RMDN1: variants seen among roughly 807,000 people sequenced by gnomAD.
RMDN1 encodes the protein regulator of microtubule dynamics 1.
In RMDN1, 48 loss-of-function variants were observed where a neutral mutation model predicts 48.9. That is an observed-to-expected ratio of 0.98 (90% CI 0.78 to 1.25). The LOEUF (loss-of-function observed/expected upper bound fraction) is 1.25. RMDN1 is among the 50% of genes most tolerant of loss of function. The pLI, the probability that RMDN1 is intolerant of heterozygous loss-of-function variation, is 0.00. For synonymous variants in RMDN1, 148 were observed against 132.6 expected, an observed-to-expected ratio of 1.12 and a Z score of -0.80; for missense variants, 418 against 373.4, an observed-to-expected ratio of 1.12 and a Z score of -0.98.
At position 86,474,255 on chromosome 8, in the gene RMDN1, A is replaced by G. The variant is rs1015565178; in HGVS notation, c.*53T>C. On this transcript the variant is annotated 3_prime_UTR_variant, in exon 10 of 10. Coordinates refer to ENST00000406452, the MANE Select transcript of RMDN1 (RefSeq NM_016033.3). ...TAGTTCATATATTAAGTTTAGAATT[A>G]AAAGAAAAGGCAATGTTTATTAGCT... 1.9e-6 allele frequency: 3 copies of G among 1,607,184 alleles called. No homozygotes were observed. The highest frequency in any genetic ancestry group is 2.5e-6 in the Non-Finnish European group (3 of 1,177,412).
chr8:86,501,152 T>G (rs574000300), intron 2 of RMDN1, among the ~76,000 whole-genome samples: 1 of 152,088 alleles, frequency 6.6e-6, no homozygotes, highest in Non-Finnish European at 1.5e-5. Context: ...CAGCAACACA[T>G]AATTTACCCA....
At chr8:86,469,877 A>G (rs935477577), downstream of RMDN1, among the ~76,000 whole-genome samples, 25 of 152,334 alleles carry the variant, frequency 1.6e-4, no homozygotes, top group African/African-American at 5.8e-4. Flanking sequence ...ACTGGTATTC[A>G]TGGTAAATCC....
chr8:86,490,837 A>G (rs1431738310), intron 2 of RMDN1, among the ~76,000 whole-genome samples: 1 of 152,096 alleles, frequency 6.6e-6, no homozygotes, highest in Non-Finnish European at 1.5e-5. Context: ...AGGAATTCTA[A>G]ATCACATTAC....
At chr8:86,484,777 G>A in intron 5 of RMDN1, 95 bp downstream of exon 5, 1 of 617,486 alleles carries the variant, frequency 1.6e-6, no homozygotes, top group East Asian at 2.9e-5. Flanking sequence ...TGTTATCATA[G>A]GTGGTTTGAT....
chr8:86,494,460 G>A, intron 2 of RMDN1, among the ~76,000 whole-genome samples: 1 of 152,180 alleles, frequency 6.6e-6, no homozygotes, highest in South Asian at 2.1e-4. Context: ...GGAGGCCGAG[G>A]CAGGAGGATT....
chr8:86,504,237 AGAG>A (rs1818886453), intron 2 of RMDN1: 8 of 1,563,090 alleles, frequency 5.1e-6, no homozygotes, highest in African/African-American at 4.1e-5. Context: ...ACAGAAAAGA[AGAG>A]GAGAATGCTA....
chr8:86,470,657 C>T (rs933120250), downstream of RMDN1, among the ~76,000 whole-genome samples: 2 of 152,090 alleles, frequency 1.3e-5, no homozygotes, highest in Admixed American at 6.5e-5. Flanking sequence ...AAATGCCCCT[C>T]AGCATATGGT....
intron 2 of RMDN1, among the ~76,000 whole-genome samples, chr8:86,491,796 A>C (rs988382258): frequency 6.6e-6 from 1 of 152,214 alleles, no homozygotes; most frequent in Non-Finnish European, 1.5e-5. Flanking sequence ...CATATATGTT[A>C]GTAAACTTTG....
chr8:86,477,241 C>A, intron 8 of RMDN1, 53 bp downstream of exon 8: 1 of 1,259,398 alleles, frequency 7.9e-7, no homozygotes, highest in South Asian at 1.4e-5. Flanking sequence ...AGTATATATT[C>A]AGCATTCATA....
rs1273094930 is a variant in RMDN1, at chr8:86,506,975, T to C, written c.247+20A>G. 1.5e-6 allele frequency: 2 copies of C among 1,292,484 alleles called. No individual in the cohort carries two copies. The highest frequency in any genetic ancestry group is 2.3e-5 in the East Asian group (1 of 43,376). The allele number at this position is 1,292,484 out of a possible 1,614,324, so 80.1% of individuals were successfully genotyped here. A position where few individuals can be genotyped will look rare whatever the true frequency, so the allele number is the denominator to read the frequency against. On this transcript the variant is annotated intron_variant, in intron 2 of 9. Transcript: ENST00000406452. ...ACACAAAAAAACTCTAAATGTTCCA[T>C]ATATCTAATTTATGCTTACCTTTGG...
At chr8:86,502,421 T>TG (rs1027348807) in intron 2 of RMDN1, among the ~76,000 whole-genome samples, 8 of 152,054 alleles carry the variant, frequency 5.3e-5, no homozygotes, top group Admixed American at 4.6e-4. Flanking sequence ...TTTGTAGAGA[T>TG]GGGGGTCTCA....
At chr8:86,470,723 A>G (rs1812473775), downstream of RMDN1, among the ~76,000 whole-genome samples, 1 of 152,198 alleles carries the variant, frequency 6.6e-6, no homozygotes, top group South Asian at 2.1e-4. Context: ...GAAACAAACT[A>G]TTGATAGAAC....
intron 2 of RMDN1, among the ~76,000 whole-genome samples, chr8:86,499,552 T>C (rs901420513): frequency 6.6e-6 from 1 of 152,148 alleles, no homozygotes; most frequent in African/African-American, 2.4e-5. Context: ...CAGAAACAAA[T>C]GGAAAAACAT....
In RMDN1 at chr8:86,473,539, G is replaced by T; in HGVS notation, c.*769C>A. ...CCAGCAATTTGGGAGGCCAAGGCGG[G>T]CAGATCACTTGAGGCCAGGAGTTTG... On this transcript the variant is annotated 3_prime_UTR_variant, in exon 10 of 10. Transcript: ENST00000406452. The T allele has an allele frequency of 1.2e-6, 1 of 819,736 alleles. No homozygotes were observed. The highest frequency in any genetic ancestry group is 1.5e-6 in the Non-Finnish European group (1 of 679,034). The allele number at this position is 819,736 out of a possible 1,614,324, so 50.8% of individuals were successfully genotyped here.
chr8:86,511,386 A>G (rs1445906500), upstream of RMDN1, among the ~76,000 whole-genome samples: 1 of 151,908 alleles, frequency 6.6e-6, no homozygotes, highest in African/African-American at 2.4e-5. Context: ...AGTCAGGAGA[A>G]TGGCGTGAAC....
intron 2 of RMDN1, chr8:86,504,381 C>T (rs1818920431): frequency 6.4e-7 from 1 of 1,563,890 alleles, no homozygotes; most frequent in Non-Finnish European, 8.8e-7. Context: ...TATCCAGCTA[C>T]CAACAGCCAA....
chr8:86,507,471 T>C lies in RMDN1; in HGVS notation c.130-359A>G, dbSNP rs990750772. Among the ~76,000 whole-genome samples, 116 of 152,306 alleles carry C rather than the reference T, an allele frequency of 7.6e-4. 1 individual carries two copies. Among genetic ancestry groups the C allele is most frequent in the Admixed American group, 2.3e-3 (35 of 15,302 alleles). The stretch of plus-strand genomic sequence containing the variant: ...ATCTTACAGACAAGATTATCATATA[T>C]AGTAATTACTACATATAAAAATGTA... On this transcript the variant is annotated intron_variant, in intron 1 of 9. Coordinates refer to ENST00000406452, the MANE Select transcript of RMDN1 (RefSeq NM_016033.3).
intron 2 of RMDN1, among the ~76,000 whole-genome samples, chr8:86,503,371 C>CAAAAAAAAAA (rs1182231210): frequency 1.8e-3 from 120 of 67,696 alleles, no homozygotes; most frequent in Non-Finnish European, 2.0e-3. Flanking sequence ...CAAAACAAAA[C>CAAAAAAAAAA]AAAAAAAAAA....
intron 4 of RMDN1, 21 bp downstream of exon 4, chr8:86,486,463 T>C: frequency 1.3e-6 from 2 of 1,559,542 alleles, no homozygotes; most frequent in Non-Finnish European, 1.7e-6. Flanking sequence ...ACATGGTTAA[T>C]AGCTTAGTTA....
Sources: allele counts gnomAD v4.1 joint callset (sites outside exome capture counted in the v4.1 genomes callset), GRCh38; gene constraint gnomAD v4.1.1; transcripts MANE v1.5; gene names NCBI Gene and HGNC (gene_info 2026-07-23, HGNC 2026-07-21).